Variants in CCNY observed in about 807,000 individuals in gnomAD.
CCNY encodes the protein cyclin-Y.
A neutral mutation model predicts 42.8 loss-of-function variants in CCNY; 19 were observed. That is an observed-to-expected ratio of 0.44 (90% CI 0.31 to 0.65). CCNY has a LOEUF of 0.65. CCNY is among the 30% of genes least tolerant of loss of function. CCNY has a pLI of 0.07. For missense variants in CCNY, 370 were observed against 437.3 expected, an observed-to-expected ratio of 0.85 and a Z score of 1.37; for synonymous variants, 165 against 162.7, an observed-to-expected ratio of 1.01 and a Z score of -0.11.
chr10:35,479,705 A>G (rs1251895518), intron 1 of CCNY, among the ~76,000 whole-genome samples: 2 of 151,482 alleles, frequency 1.3e-5, no homozygotes, highest in African/African-American at 2.4e-5. Context: ...ACATGTTTAC[A>G]TATGTAACTA....
chr10:35,453,310 A>G (rs1338324783), intron 1 of CCNY, among the ~76,000 whole-genome samples: 1 of 152,218 alleles, frequency 6.6e-6, no homozygotes, highest in Non-Finnish European at 1.5e-5. Context: ...AATGTATTGA[A>G]CTGTTTATAA....
intron 7 of CCNY, among the ~76,000 whole-genome samples, chr10:35,537,482 A>G (rs545171731): frequency 6.6e-6 from 1 of 152,222 alleles, no homozygotes; most frequent in Non-Finnish European, 1.5e-5. Flanking sequence ...CAGACACTCA[A>G]TGCCAGCCTG....
intron 3 of CCNY, among the ~76,000 whole-genome samples, chr10:35,266,249 CTTTTTTTTT>C (rs773886027): frequency 2.7e-4 from 30 of 110,130 alleles, no homozygotes; most frequent in Non-Finnish European, 4.4e-4. Flanking sequence ...GGCTAATTTC[CTTTTTTTTT>C]TTTTTTTTTT....
chr10:35,388,511 T>C (rs1031271840), intron 1 of CCNY, among the ~76,000 whole-genome samples: 1 of 152,232 alleles, frequency 6.6e-6, no homozygotes, highest in Non-Finnish European at 1.5e-5. Context: ...CACTCAACAT[T>C]TGCATTTTTG....
intron 7 of CCNY, among the ~76,000 whole-genome samples, chr10:35,532,947 C>T (rs142750925): frequency 2.0e-5 from 3 of 152,328 alleles, no homozygotes; most frequent in African/African-American, 7.2e-5. Context: ...AGGCAGGTCT[C>T]GCATATCCCT....
At chr10:35,498,634 C>T (rs1840049315) in intron 2 of CCNY, among the ~76,000 whole-genome samples, 1 of 152,186 alleles carries the variant, frequency 6.6e-6, no homozygotes, top group Non-Finnish European at 1.5e-5. Context: ...TAATGGGTCA[C>T]ATGGTCTAAC....
intron 3 of CCNY, among the ~76,000 whole-genome samples, chr10:35,312,125 C>G (rs1564365530): frequency 6.6e-6 from 1 of 152,086 alleles, no homozygotes. Flanking sequence ...CACCTGTAAT[C>G]CCAGCCCTTT....
At chr10:35,547,141 T>G (rs1026337325) in intron 7 of CCNY, among the ~76,000 whole-genome samples, 1 of 152,172 alleles carries the variant, frequency 6.6e-6, no homozygotes, top group Non-Finnish European at 1.5e-5. Context: ...CTAAGATCAG[T>G]GCCAGCTAGA....
At chr10:35,314,461 G>A (rs551597713) in intron 3 of CCNY, 2 of 151,978 alleles carry the variant, frequency 1.3e-5, no homozygotes, top group Middle Eastern at 6.8e-3. Flanking sequence ...ATCTCCCACA[G>A]GGTCCCAGCC....
chr10:35,460,241 C>A lies in CCNY; in HGVS notation c.155-23163C>A, dbSNP rs148724615. Among the ~76,000 whole-genome samples the A allele has an allele frequency of 4.2e-3, 642 of 152,290 alleles. 2 individuals carry two copies. Among genetic ancestry groups the A allele is most frequent in the African/African-American group, 0.014 (593 of 41,540 alleles). ...CCTCTTTTAAAAAATCTCTCTCTCTCGTATATCTCTATTTAGTTATTGAGA... is the reference window on the plus strand; with the variant it reads ...CCTCTTTTAAAAAATCTCTCTCTCTAGTATATCTCTATTTAGTTATTGAGA... On this transcript the variant is annotated intron_variant, in intron 1 of 9. Coordinates refer to ENST00000374704, the MANE Select transcript of CCNY (RefSeq NM_145012.6).
At chr10:35,469,393 A>G (rs896194054) in intron 1 of CCNY, among the ~76,000 whole-genome samples, 5 of 152,186 alleles carry the variant, frequency 3.3e-5, no homozygotes, top group Non-Finnish European at 7.3e-5. Context: ...TAATCTTAAG[A>G]TAGAATATTA....
At chr10:35,446,265 T>G (rs1838788086) in intron 1 of CCNY, among the ~76,000 whole-genome samples, 1 of 152,214 alleles carries the variant, frequency 6.6e-6, no homozygotes, top group Non-Finnish European at 1.5e-5. Context: ...AGTACAATAC[T>G]TTATCATCTG....
intron 1 of CCNY, among the ~76,000 whole-genome samples, chr10:35,417,867 C>G (rs1311894073): frequency 6.6e-6 from 1 of 152,166 alleles, no homozygotes; most frequent in Non-Finnish European, 1.5e-5. Context: ...AGGAAGCTAC[C>G]AGGAATAGTT....
chr10:35,427,663 A>G (rs759463083), intron 1 of CCNY, among the ~76,000 whole-genome samples: 5 of 152,248 alleles, frequency 3.3e-5, no homozygotes, highest in Non-Finnish European at 5.9e-5. Context: ...ATTTGCTGTG[A>G]CCCACAGGGT....
chr10:35,537,323 T>C (rs113009470), intron 7 of CCNY, among the ~76,000 whole-genome samples: 1,670 of 152,314 alleles, frequency 0.011, 25 homozygotes, highest in African/African-American at 0.038. Context: ...TTGCCAGGAC[T>C]GTGTGGAAGG....
intron 3 of CCNY, among the ~76,000 whole-genome samples, chr10:35,312,778 G>A (rs1554775505): frequency 6.9e-6 from 1 of 145,388 alleles, no homozygotes; most frequent in Non-Finnish European, 1.5e-5. Context: ...TAGAGTTGGG[G>A]TCTTGTTCTG....
At chr10:35,474,215 G>C (rs1202762594) in intron 1 of CCNY, among the ~76,000 whole-genome samples, 1 of 152,164 alleles carries the variant, frequency 6.6e-6, no homozygotes, top group Non-Finnish European at 1.5e-5. Context: ...AGCGAGGCTT[G>C]GGGGAGGGGT....
chr10:35,410,885 A>G (rs1766287918), intron 1 of CCNY, among the ~76,000 whole-genome samples: 1 of 152,196 alleles, frequency 6.6e-6, no homozygotes, highest in Non-Finnish European at 1.5e-5. Flanking sequence ...TGGTCTAGAG[A>G]ACTACTGCTA....
chr10:35,536,804 G>A (rs1004094510), intron 7 of CCNY, among the ~76,000 whole-genome samples: 24 of 152,248 alleles, frequency 1.6e-4, no homozygotes, highest in East Asian at 5.8e-4. Flanking sequence ...TGTTAAAGGC[G>A]TTCAGTTTTA....
Sources: gnomAD v4.1 joint callset for allele counts (sites outside exome capture counted in the v4.1 genomes callset) on GRCh38, gnomAD v4.1.1 for gene constraint, MANE v1.5 for transcripts, NCBI Gene and HGNC (gene_info 2026-07-23, HGNC 2026-07-21) for gene names.